HECW2: variants seen among roughly 807,000 people sequenced by gnomAD.
The protein encoded by HECW2 is HECT, C2 and WW domain containing E3 ubiquitin protein ligase 2, also known as E3 ubiquitin-protein ligase HECW2.
Under a neutral mutation model 175.2 loss-of-function variants are expected in HECW2, and 61 were observed. The observed-to-expected ratio is 0.35, with a 90% CI of 0.28 to 0.43. The LOEUF is 0.43. Among genes scored for constraint, HECW2 ranks in the 20% least tolerant of loss-of-function variants. HECW2 has a pLI of 1.00. For synonymous variants in HECW2, 671 were observed against 731.0 expected, an observed-to-expected ratio of 0.92 and a Z score of 1.32; for missense variants, 1,524 against 2,000.5, an observed-to-expected ratio of 0.76 and a Z score of 4.54.
chr2:196,522,052 A>C (rs1478525277), intron 1 of HECW2, among the ~76,000 whole-genome samples: 79 of 152,242 alleles, frequency 5.2e-4, no homozygotes, highest in African/African-American at 1.6e-3. Flanking sequence ...CCTGAGGAAT[A>C]ACCACACTGA....
At chr2:196,342,430 A>C (rs1381915405) in intron 3 of HECW2, among the ~76,000 whole-genome samples, 1 of 151,826 alleles carries the variant, frequency 6.6e-6, no homozygotes, top group Non-Finnish European at 1.5e-5. Flanking sequence ...AAAAGAAAGA[A>C]AGAAAAATAA....
chr2:196,327,417 A>G (rs1235170246), intron 5 of HECW2, among the ~76,000 whole-genome samples: 1 of 152,208 alleles, frequency 6.6e-6, no homozygotes. Context: ...TATCCACACC[A>G]TATAATAGGC....
At chr2:196,460,968 C>A (rs1175046206) in intron 1 of HECW2, among the ~76,000 whole-genome samples, 3 of 151,856 alleles carry the variant, frequency 2.0e-5, no homozygotes, top group Non-Finnish European at 4.4e-5. Context: ...AGCACAGGAT[C>A]AAATTAATTA....
intron 15 of HECW2, among the ~76,000 whole-genome samples, chr2:196,275,581 A>G (rs145149030): frequency 0.077 from 11,704 of 152,048 alleles, 659 homozygotes; most frequent in African/African-American, 0.16. Flanking sequence ...GTGAAACCCC[A>G]TCTCTACTAA....
chr2:196,300,170 A>C (rs575469718), intron 13 of HECW2, among the ~76,000 whole-genome samples: 1,169 of 24,934 alleles, frequency 0.047, 6 homozygotes, highest in Middle Eastern at 0.21. Context: ...TAGGCTGTCT[A>C]GACTGGGGTG....
intron 10 of HECW2, chr2:196,317,024 C>A: frequency 2.3e-6 from 1 of 438,614 alleles, no homozygotes; most frequent in East Asian, 3.5e-5. Context: ...ATATCTGGAT[C>A]TACCTCCATT....
At chr2:196,301,101 C>T (rs113881934) in intron 13 of HECW2, among the ~76,000 whole-genome samples, 3,436 of 152,188 alleles carry the variant, frequency 0.023, 134 homozygotes, top group African/African-American at 0.078. Flanking sequence ...TCATTCAGCT[C>T]CCACTTACAA....
Position 196,334,367 on chromosome 2 carries a change from T to G in HECW2, c.495+57A>C, listed in dbSNP as rs764756434. On this transcript the variant is annotated intron_variant, in intron 4 of 28. Transcript: ENST00000644978. ...CCTGTCAGGGCCGCACAGGTAAAAA[T>G]AGAAATCAAGACCCAGCATGGATCT... 6 of 1,341,776 alleles carry G rather than the reference T, an allele frequency of 4.5e-6. No homozygotes were observed. The African/African-American group carries it at 5.8e-5, about 13-fold the overall frequency. 83.1% of individuals were successfully genotyped at this position (1,341,776 alleles called of 1,614,324 possible).
intron 2 of HECW2, among the ~76,000 whole-genome samples, chr2:196,357,830 C>T (rs1482946793): frequency 6.6e-6 from 1 of 152,188 alleles, no homozygotes; most frequent in African/African-American, 2.4e-5. Flanking sequence ...AAGGTACCTG[C>T]TTCCCCTTCA....
At chr2:196,339,042 A>G (rs1692651453) in intron 3 of HECW2, among the ~76,000 whole-genome samples, 1 of 152,228 alleles carries the variant, frequency 6.6e-6, no homozygotes, top group Non-Finnish European at 1.5e-5. Context: ...AAGGGACAAT[A>G]TCCATGCAGA....
At chr2:196,244,611 A>C (rs1688581448) in intron 19 of HECW2, among the ~76,000 whole-genome samples, 1 of 152,204 alleles carries the variant, frequency 6.6e-6, no homozygotes, top group South Asian at 2.1e-4. Context: ...AGTAATAGTA[A>C]TGTTATAAAA....
At chr2:196,253,893 TTCACTG>T in intron 19 of HECW2, 21 bp downstream of exon 19, 2 of 1,603,696 alleles carry the variant, frequency 1.2e-6, no homozygotes, top group Non-Finnish European at 1.7e-6. Context: ...CCTCAGAGAA[TTCACTG>T]TGAGCAGCAG....
intron 1 of HECW2, among the ~76,000 whole-genome samples, chr2:196,457,030 G>A (rs1696539162): frequency 6.6e-6 from 1 of 152,206 alleles, no homozygotes; most frequent in African/African-American, 2.4e-5. Context: ...TTCAAGCAAA[G>A]AAGGAGCATC....
At position 196,195,157 on chromosome 2, in the gene HECW2, AG is replaced by A. The variant is rs1361606112; in HGVS notation, c.*6119del. 1 of 152,368 alleles carries A rather than the reference AG, an allele frequency of 6.6e-6. No homozygotes were observed. The highest frequency in any genetic ancestry group is 2.4e-5 in the African/African-American group (1 of 41,592). The allele number at this position is 152,368 out of a possible 1,614,324, so 9.4% of individuals were successfully genotyped here. ...TCTTTTAGAGCATTAGGGTCCTAAAAGAACATCCCATTCTGTGTTAATTCCT... is the reference window on the plus strand; with the variant it reads ...TCTTTTAGAGCATTAGGGTCCTAAAAAACATCCCATTCTGTGTTAATTCCT... On this transcript the variant is annotated 3_prime_UTR_variant, in exon 29 of 29. Transcript: ENST00000644978.
At chr2:196,245,810 G>A (rs1361316051) in intron 19 of HECW2, among the ~76,000 whole-genome samples, 2 of 152,216 alleles carry the variant, frequency 1.3e-5, no homozygotes, top group Non-Finnish European at 2.9e-5. Flanking sequence ...AAAGATCTGG[G>A]AAGCAGAAGA....
At chr2:196,433,678 G>A (rs1695785143) in intron 1 of HECW2, among the ~76,000 whole-genome samples, 2 of 152,038 alleles carry the variant, frequency 1.3e-5, no homozygotes, top group African/African-American at 4.8e-5. Context: ...ACATGCCTGC[G>A]ACCCTCGATT....
chr2:196,275,112 G>A (rs950555451), intron 15 of HECW2, among the ~76,000 whole-genome samples: 9 of 151,996 alleles, frequency 5.9e-5, no homozygotes, highest in Non-Finnish European at 8.8e-5. Context: ...ACCCTCCACC[G>A]CTTGCTTGTC....
intron 1 of HECW2, among the ~76,000 whole-genome samples, chr2:196,531,672 C>CA (rs1204536951): frequency 8.4e-5 from 9 of 107,580 alleles, no homozygotes; most frequent in Non-Finnish European, 1.4e-4. Flanking sequence ...AAAAAAAAAA[C>CA]AAAAAAAAAA....
chr2:196,432,137 T>C (rs1695731614), intron 2 of HECW2, among the ~76,000 whole-genome samples: 1 of 152,032 alleles, frequency 6.6e-6, no homozygotes. Context: ...ACCAAAAATG[T>C]CTCCAAACCT....
Sources: gnomAD v4.1 joint callset for allele counts (sites outside exome capture counted in the v4.1 genomes callset) on GRCh38, gnomAD v4.1.1 for gene constraint, MANE v1.5 for transcripts, NCBI Gene and HGNC (gene_info 2026-07-23, HGNC 2026-07-21) for gene names.